The following PHF3 variants were observed in gnomAD, a reference collection of about 807,000 sequenced individuals.
PHF3 encodes the protein PHD finger protein 3.
PHF3 carries 41 observed loss-of-function variants against 178.4 expected under a neutral mutation model. The observed-to-expected ratio is 0.23, with a 90% CI of 0.18 to 0.30. PHF3 has a LOEUF of 0.30. PHF3 is among the 10% of genes least tolerant of loss of function. PHF3 has a pLI of 1.00. For missense variants in PHF3, 2,346 were observed against 2,398.1 expected (o/e 0.98, Z 0.45); for synonymous variants, 842 against 800.5 (o/e 1.05, Z -0.88).
At position 63,725,199 on chromosome 6, in the gene PHF3, C is replaced by T. The variant is rs1768566609; in HGVS notation, c.*11491C>T. ...ACTAATGAATCTCTGTAAGTAGTGT[C>T]TGATGGCATAAAAAAGGAAACTCTT... is the stretch of plus-strand genomic sequence containing the variant. On this transcript the variant is annotated 3_prime_UTR_variant, in exon 16 of 16. Transcript: ENST00000262043. Among the ~76,000 whole-genome samples, 1 of 152,084 alleles carries T rather than the reference C, an allele frequency of 6.6e-6. No individual in the cohort carries two copies. The highest frequency in any genetic ancestry group is 1.5e-5 in the Non-Finnish European group (1 of 67,976).
Position 63,722,754 on chromosome 6 carries a change from C to G in PHF3, c.*9046C>G, listed in dbSNP as rs896957045. Among the ~76,000 whole-genome samples the G allele has an allele frequency of 1.3e-5, 2 of 152,142 alleles. No homozygotes were observed. The highest frequency in any genetic ancestry group is 4.8e-5 in the African/African-American group (2 of 41,422). On this transcript the variant is annotated 3_prime_UTR_variant, in exon 16 of 16. Coordinates refer to ENST00000262043, the MANE Select transcript of PHF3 (RefSeq NM_001370348.2). ...TTCCTCCCTCCAGAGTGCCTATTTC[C>G]ACACCTCCCTCCTGCAAATGGTGTT...
At position 63,718,970 on chromosome 6, in the gene PHF3, G is replaced by A. The variant is rs540602433; in HGVS notation, c.*5262G>A. ...AATGCAATAGTATGGAGCAATACCA[G>A]TTTAGGTCACAGTTTTTCAGCAAAA... On this transcript the variant is annotated 3_prime_UTR_variant, in exon 16 of 16. Transcript: ENST00000262043. Among the ~76,000 whole-genome samples the A allele has an allele frequency of 7.2e-5, 11 of 152,100 alleles. 1 individual carries two copies. In the South Asian group the frequency reaches 2.3e-3, roughly 32 times the overall value.
chr6:63,682,395 T>G (rs1272002922), intron 3 of PHF3, among the ~76,000 whole-genome samples: 1 of 152,148 alleles, frequency 6.6e-6, no homozygotes, highest in Non-Finnish European at 1.5e-5. Flanking sequence ...TTTGGGTCTC[T>G]TATGTCAAAT....
chr6:63,712,205 A>G lies in PHF3; in HGVS notation c.4617A>G (p.Glu1539=), dbSNP rs1767973574. The change falls in exon 16 of 16, where the codon GAA becomes GAG. Residue 1539 remains glutamate, a synonymous_variant. Transcript: ENST00000262043. ...NISESTDKSA[E]IETSVVGSSS... ...CAGAATCTACAGATAAGTCAGCAGAAATAGAAACATCAGTAGTAGGGTCCT... is the reference window on the plus strand; with the variant it reads ...CAGAATCTACAGATAAGTCAGCAGAGATAGAAACATCAGTAGTAGGGTCCT... 3.1e-6 allele frequency: 5 copies of G among 1,613,958 alleles called. No individual in the cohort carries two copies. The South Asian group carries it at 5.5e-5, about 18-fold the overall frequency.
chr6:63,673,192 A>G (rs986459153), intron 2 of PHF3, among the ~76,000 whole-genome samples: 2 of 152,162 alleles, frequency 1.3e-5, no homozygotes, highest in Non-Finnish European at 2.9e-5. Context: ...AACAGCAGAA[A>G]CAGCACCGCT....
chr6:63,701,107 T>C (rs966434303), intron 9 of PHF3, among the ~76,000 whole-genome samples: 1 of 152,226 alleles, frequency 6.6e-6, no homozygotes, highest in Non-Finnish European at 1.5e-5. Flanking sequence ...TGGTAATTTG[T>C]AGAGCCAGAT....
At chr6:63,706,563 A>G (rs1767702031) in intron 12 of PHF3, among the ~76,000 whole-genome samples, 166 bp from the exon 13 acceptor site, 1 of 152,238 alleles carries the variant, frequency 6.6e-6, no homozygotes, top group African/African-American at 2.4e-5. Flanking sequence ...GTAAAACATT[A>G]CTATGTAAAT....
chr6:63,679,463 C>G (rs1239975051), intron 2 of PHF3, among the ~76,000 whole-genome samples: 1 of 134,442 alleles, frequency 7.4e-6, no homozygotes, highest in African/African-American at 2.5e-5. Flanking sequence ...TTTTTTTCCT[C>G]TCTCTGTTTT....
chr6:63,675,697 G>T (rs1011447240), intron 2 of PHF3, among the ~76,000 whole-genome samples: 1 of 152,124 alleles, frequency 6.6e-6, no homozygotes, highest in Non-Finnish European at 1.5e-5. Context: ...TCTAATTGTA[G>T]ATTGTTGACC....
chr6:63,711,029 A>G (rs1229969359), intron 14 of PHF3, 138 bp from the exon 15 acceptor site: 4 of 551,248 alleles, frequency 7.3e-6, no homozygotes, highest in Non-Finnish European at 9.3e-6. Flanking sequence ...TCTCTTCTGT[A>G]TTTAAGTTGG....
chr6:63,666,547 T>G (rs1275011059), intron 2 of PHF3, among the ~76,000 whole-genome samples: 1 of 152,032 alleles, frequency 6.6e-6, no homozygotes, highest in Non-Finnish European at 1.5e-5. Context: ...ACAATACCAG[T>G]ATACTCATAT....
intron 1 of PHF3, among the ~76,000 whole-genome samples, chr6:63,644,858 G>A (rs909527052): frequency 5.3e-5 from 8 of 150,860 alleles, no homozygotes; most frequent in Non-Finnish European, 1.2e-4. Context: ...TTCCCTATTC[G>A]TGGCCCCAGG....
rs903570048 is a variant in PHF3 at position 63,715,072 on chromosome 6, C to G, written c.*1364C>G. 1 of 151,996 alleles carries G rather than the reference C, an allele frequency of 6.6e-6. No homozygotes were observed. The highest frequency in any genetic ancestry group is 1.5e-5 in the Non-Finnish European group (1 of 67,972). The allele number at this position is 151,996 out of a possible 1,614,324, so 9.4% of individuals were successfully genotyped here. On this transcript the variant is annotated 3_prime_UTR_variant, in exon 16 of 16. Coordinates refer to ENST00000262043, the MANE Select transcript of PHF3 (RefSeq NM_001370348.2). ...TTAATGAAGAAAAATATAAATAATT[C>G]CACAAAATTGATTGTTTTCCTAAAG...
chr6:63,702,016 A>G lies in PHF3; in HGVS notation c.3100-492A>G, dbSNP rs144270782. 4.4e-3 allele frequency among the ~76,000 whole-genome samples: 670 copies of G among 152,288 alleles called. 7 individuals carry two copies. Among genetic ancestry groups the G allele is most frequent in the African/African-American group, 0.015 (641 of 41,560 alleles). ...GATGTTTTGTTGCTAAGCTTGTTCA[A>G]CCGAATTTTCAGGGTCACTAAGCAG... is the stretch of plus-strand genomic sequence containing the variant. On this transcript the variant is annotated intron_variant, in intron 9 of 15. Transcript: ENST00000262043.
chr6:63,648,686 C>T (rs1764890720), intron 2 of PHF3, among the ~76,000 whole-genome samples: 1 of 151,986 alleles, frequency 6.6e-6, no homozygotes, highest in Admixed American at 6.6e-5. Flanking sequence ...ATTTATTATT[C>T]GTTTGTGATT....
chr6:63,657,818 T>C (rs1294465046), intron 2 of PHF3, among the ~76,000 whole-genome samples: 1 of 152,218 alleles, frequency 6.6e-6, no homozygotes, highest in Non-Finnish European at 1.5e-5. Flanking sequence ...TACTGTGTGC[T>C]TTCCCCAAAG....
chr6:63,688,758 C>G (rs1766864542), intron 4 of PHF3, among the ~76,000 whole-genome samples: 1 of 152,144 alleles, frequency 6.6e-6, no homozygotes, highest in African/African-American at 2.4e-5. Context: ...TGCAATTTTC[C>G]TATTCTAATC....
chr6:63,691,763 A>G lies in PHF3; in HGVS notation c.2216A>G (p.Asp739Gly). 1 of 1,610,306 alleles carries G rather than the reference A, an allele frequency of 6.2e-7. No homozygotes were observed. Among genetic ancestry groups the G allele is most frequent in the South Asian group, 1.1e-5 (1 of 90,660 alleles). ...TTTATGGTTGGCTGTGGGAGATGTG[A>G]TGACTGGTTTCATGGTGATTGTGTT... ...NRFMVGCGRC[D>G]DWFHGDCVGL... The change falls in exon 5 of 16, where the codon GAT becomes GGT. Residue 739 changes from aspartate (D) to glycine (G), a missense_variant. By Grantham distance (94) the Asp-to-Gly change is moderately conservative. Transcript: ENST00000262043.
In PHF3 at chr6:63,680,071, G is replaced by C. The variant is rs1032830708; in HGVS notation, c.316G>C (p.Glu106Gln). ...TGGCAATGATACCATTGATGAAGAA[G>C]AACTGATTTTACCTAACAGGAACTT... is the stretch of plus-strand genomic sequence containing the variant. ...ESGNDTIDEE[E>Q]LILPNRNLRD... Residue 106 changes from glutamate (E) to glutamine (Q), a missense_variant, in exon 3 of 16, where the codon GAA becomes CAA. By Grantham distance (29) the Glu-to-Gln change is conservative. Coordinates refer to ENST00000262043, the MANE Select transcript of PHF3 (RefSeq NM_001370348.2). The C allele has an allele frequency of 2.5e-6, 4 of 1,612,848 alleles. No homozygotes were observed. In the African/African-American group the frequency reaches 5.3e-5, roughly 22 times the overall value.
Sources: gnomAD v4.1 joint callset for allele counts (sites outside exome capture counted in the v4.1 genomes callset) on GRCh38, gnomAD v4.1.1 for gene constraint, MANE v1.5 for transcripts, NCBI Gene and HGNC (gene_info 2026-07-23, HGNC 2026-07-21) for gene names.